HTATIP2: variants seen among roughly 807,000 people sequenced by gnomAD.
The protein encoded by HTATIP2 is HIV-1 Tat interactive protein 2.
In HTATIP2, 26 loss-of-function variants were observed where a neutral mutation model predicts 24.7. The ratio of observed to expected loss-of-function variants is 1.05; its 90% CI spans 0.77 to 1.46. The LOEUF (loss-of-function observed/expected upper bound fraction) is 1.46. HTATIP2 is among the 40% of genes most tolerant of loss of function. The pLI is 0.00. For synonymous variants in HTATIP2, 99 were observed against 113.2 expected, an observed-to-expected ratio of 0.87 and a Z score of 0.79; for missense variants, 284 against 289.6, an observed-to-expected ratio of 0.98 and a Z score of 0.14.
At chr11:20,382,322 C>T (rs1348635937) in intron 4 of HTATIP2, 83 bp downstream of exon 4, 1 of 786,110 alleles carries the variant, frequency 1.3e-6, no homozygotes, top group South Asian at 1.6e-5. Flanking sequence ...GAAAGGCTGA[C>T]AGCTGAAATA....
At chr11:20,378,043 G>GT (rs200190453) in intron 3 of HTATIP2, among the ~76,000 whole-genome samples, 22 of 152,212 alleles carry the variant, frequency 1.4e-4, no homozygotes, top group African/African-American at 2.2e-4. Flanking sequence ...CGAACACTAT[G>GT]TTTTTTTAAA....
At chr11:20,369,149 A>G (rs369186959) in intron 2 of HTATIP2, among the ~76,000 whole-genome samples, 2 of 152,306 alleles carry the variant, frequency 1.3e-5, no homozygotes, top group South Asian at 2.1e-4. Context: ...AAGAGGTGAC[A>G]GTTCATATGT....
At chr11:20,373,811 C>T (rs764075205) in intron 2 of HTATIP2, among the ~76,000 whole-genome samples, 1 of 152,166 alleles carries the variant, frequency 6.6e-6, no homozygotes, top group Non-Finnish European at 1.5e-5. Flanking sequence ...TCTAAAGTCT[C>T]CATTTGGAGA....
At chr11:20,377,129 C>CTTTTTTTTT (rs11441867) in intron 3 of HTATIP2, among the ~76,000 whole-genome samples, 1 of 144,238 alleles carries the variant, frequency 6.9e-6, no homozygotes, top group Non-Finnish European at 1.5e-5. Flanking sequence ...ACTTTCTTTT[C>CTTTTTTTTT]TTTTTTTTTT....
chr11:20,374,823 G>A (rs1848418783), intron 2 of HTATIP2, among the ~76,000 whole-genome samples: 1 of 152,176 alleles, frequency 6.6e-6, no homozygotes, highest in South Asian at 2.1e-4. Context: ...CAGTTGACTG[G>A]TGAAATAAAT....
intron 1 of HTATIP2, among the ~76,000 whole-genome samples, chr11:20,365,898 G>T (rs2064696337): frequency 6.7e-6 from 1 of 149,466 alleles, no homozygotes; most frequent in Non-Finnish European, 1.5e-5. Flanking sequence ...TTGAACCCAG[G>T]AGATGGAGGT....
In HTATIP2 at chr11:20,363,898, G is replaced by A. The variant is rs2064662307; in HGVS notation, c.-340G>A. ...TGCTGCGTCGTGAGGACCCGGGGCC[G>A]GGGGCTGGCCCCAGGTAACCCCTCC... On this transcript the variant is annotated 5_prime_UTR_variant, in exon 1 of 5. Transcript: ENST00000451739. 6 of 1,242,352 alleles carry A rather than the reference G, an allele frequency of 4.8e-6. No homozygotes were observed. Among genetic ancestry groups the A allele is most frequent in the Non-Finnish European group, 6.1e-6 (6 of 989,598 alleles). The allele number at this position is 1,242,352 out of a possible 1,614,324, so 77.0% of individuals were successfully genotyped here.
intron 2 of HTATIP2, among the ~76,000 whole-genome samples, chr11:20,371,606 A>AT (rs60483876): frequency 0.1 from 14,981 of 150,122 alleles, 978 homozygotes; most frequent in African/African-American, 0.18. Flanking sequence ...TAATTTTTGT[A>AT]TTTTTTTTTG....
chr11:20,376,456 T>C, intron 2 of HTATIP2, 124 bp from the exon 3 acceptor site: 1 of 1,088,752 alleles, frequency 9.2e-7, no homozygotes. Context: ...CATGTATTGC[T>C]TGGACACATT....
chr11:20,364,176 GA>G lies in HTATIP2; in HGVS notation c.-61del. 6.6e-7 allele frequency: 1 copy of G among 1,524,882 alleles called. No individual in the cohort carries two copies. The highest frequency in any genetic ancestry group is 1.3e-5 in the South Asian group (1 of 77,712). 94.5% of individuals were successfully genotyped at this position (1,524,882 alleles called of 1,614,324 possible). ...CAGATAAACAGCCCTTGTTCCTCGG[GA>G]TAAGGACTGGCAGTCCCCTGACACC... On this transcript the variant is annotated 5_prime_UTR_variant, in exon 1 of 5. It introduces an in-frame stop codon into an upstream open reading frame of the 5' UTR. Transcript: ENST00000451739.
In HTATIP2 at chr11:20,364,422, A is replaced by G. The variant is rs1261792959; in HGVS notation, c.185A>G (p.Tyr62Cys). ...AAGCTCACCTTCGACGAGGAAGCTT[A>G]TAAAAATGTGGTGGGTATTTCAGCT... is the stretch of plus-strand genomic sequence containing the variant. ...RRKLTFDEEAYKNVNQEVVDF... is the reference protein window; with the variant it reads ...RRKLTFDEEACKNVNQEVVDF... The change falls in exon 1 of 5, where the codon TAT (tyrosine) becomes TGT (cysteine). Residue 62 changes from tyrosine (Y) to cysteine (C), a missense_variant. Tyr to Cys is a radical substitution (Grantham distance 194, BLOSUM62 -2). Coordinates refer to ENST00000451739, the MANE Select transcript of HTATIP2 (RefSeq NM_001098522.2). 4.4e-6 allele frequency: 7 copies of G among 1,607,220 alleles called. No homozygotes were observed. The highest frequency in any genetic ancestry group is 6.0e-6 in the Non-Finnish European group (7 of 1,175,590).
At chr11:20,380,899 C>A (rs1848510253) in intron 3 of HTATIP2, among the ~76,000 whole-genome samples, 1 of 151,970 alleles carries the variant, frequency 6.6e-6, no homozygotes, top group African/African-American at 2.4e-5. Flanking sequence ...AAATATTATG[C>A]TAAGTGTGAG....
chr11:20,374,284 C>T (rs528089408), intron 2 of HTATIP2, among the ~76,000 whole-genome samples: 8 of 152,264 alleles, frequency 5.3e-5, no homozygotes, highest in African/African-American at 1.4e-4. Flanking sequence ...TCTGCATGGG[C>T]GTATTGTTTT....
rs1453959311 is a variant in HTATIP2, at chr11:20,363,978, G to A, written c.-260G>A. 1 of 1,254,132 alleles carries A rather than the reference G, an allele frequency of 8.0e-7. No individual in the cohort carries two copies. Among genetic ancestry groups the A allele is most frequent in the Non-Finnish European group, 1.0e-6 (1 of 998,398 alleles). The allele number at this position is 1,254,132 out of a possible 1,614,324, so 77.7% of individuals were successfully genotyped here. A position where few individuals can be genotyped will look rare whatever the true frequency, so the allele number is the denominator to read the frequency against. ...CTGGCCGGGCCGGGGATACCGTGGG[G>A]TATGCCCAGTGATGCCAGCAGCTTG... is the stretch of plus-strand genomic sequence containing the variant. On this transcript the variant is annotated 5_prime_UTR_variant, in exon 1 of 5. Transcript: ENST00000451739.
intron 2 of HTATIP2, 178 bp downstream of exon 2, chr11:20,367,459 C>A: frequency 1.4e-6 from 2 of 1,474,208 alleles, no homozygotes; most frequent in South Asian, 1.4e-5. Flanking sequence ...CTGATAAGTT[C>A]GTCTTTCAAA....
In HTATIP2 at chr11:20,383,077, G is replaced by A. The variant is rs774019635; in HGVS notation, c.601G>A (p.Val201Met). ...AGACTCTTGGGCCAGTGGGCATTCT[G>A]TGCCTGTGGTGACCGTGGTTAGAGC... ...LPDSWASGHS[V>M]PVVTVVRAML... Residue 201 changes from valine (V) to methionine (M), a missense_variant, in exon 5 of 5, where the codon GTG becomes ATG. Transcript: ENST00000451739. 2 of 1,613,720 alleles carry A rather than the reference G, an allele frequency of 1.2e-6. No individual in the cohort carries two copies. The highest frequency in any genetic ancestry group is 1.1e-5 in the South Asian group (1 of 91,068).
At chr11:20,366,476 T>A (rs2064708343) in intron 1 of HTATIP2, among the ~76,000 whole-genome samples, 1 of 151,998 alleles carries the variant, frequency 6.6e-6, no homozygotes, top group Non-Finnish European at 1.5e-5. Flanking sequence ...TTTATCGGAG[T>A]TCTTGGATGA....
chr11:20,377,101 A>T (rs1191400801), intron 3 of HTATIP2, among the ~76,000 whole-genome samples: 1 of 150,270 alleles, frequency 6.7e-6, no homozygotes, highest in African/African-American at 2.4e-5. Flanking sequence ...CTGAAGCAGT[A>T]TTCTAGTTAC....
At position 20,363,818 on chromosome 11, in the gene HTATIP2, G is replaced by T; in HGVS notation, c.-420G>T. On this transcript the variant is annotated 5_prime_UTR_variant, in exon 1 of 5. Transcript: ENST00000451739. ...GGGAAGGTGGGATGCTCTGATGGCC[G>T]GGCCTGCGGCGCTGAGCGCGGCGGC... is the stretch of plus-strand genomic sequence containing the variant. 12 of 1,245,268 alleles carry T rather than the reference G, an allele frequency of 9.6e-6. No individual in the cohort carries two copies. Among genetic ancestry groups the T allele is most frequent in the Non-Finnish European group, 1.1e-5 (11 of 989,900 alleles). The allele number at this position is 1,245,268 out of a possible 1,614,324, so 77.1% of individuals were successfully genotyped here. A position where few individuals can be genotyped will look rare whatever the true frequency, so the allele number is the denominator to read the frequency against.
Sources: allele counts gnomAD v4.1 joint callset (sites outside exome capture counted in the v4.1 genomes callset), GRCh38; gene constraint gnomAD v4.1.1; transcripts MANE v1.5; gene names NCBI Gene and HGNC (gene_info 2026-07-23, HGNC 2026-07-21).